NRXN1: variants seen among roughly 807,000 people sequenced by gnomAD.
NRXN1 encodes the protein neurexin-1.
In NRXN1, 39 loss-of-function variants were observed where a neutral mutation model predicts 150.9. The observed-to-expected ratio is 0.26, with a 90% CI of 0.20 to 0.34. The LOEUF (loss-of-function observed/expected upper bound fraction) is 0.34. NRXN1 is among the 10% of genes least tolerant of loss of function. The pLI is 1.00. For missense variants in NRXN1, 1,815 were observed against 1,949.9 expected, an observed-to-expected ratio of 0.93 and a Z score of 1.30; for synonymous variants, 924 against 757.0, an observed-to-expected ratio of 1.22 and a Z score of -3.62.
chr2:50,317,505 T>C (rs1434064134), intron 17 of NRXN1, among the ~76,000 whole-genome samples: 1 of 151,682 alleles, frequency 6.6e-6, no homozygotes, highest in African/African-American at 2.4e-5. Context: ...TCTATTACAA[T>C]TGCTATACCC....
chr2:50,571,405 T>G (rs1670643562), intron 8 of NRXN1, among the ~76,000 whole-genome samples: 1 of 152,094 alleles, frequency 6.6e-6, no homozygotes, highest in Non-Finnish European at 1.5e-5. Context: ...GGATGAAAAG[T>G]TTGAGGTTAA....
intron 17 of NRXN1, among the ~76,000 whole-genome samples, chr2:50,426,700 G>A (rs768312496): frequency 2.2e-4 from 33 of 151,964 alleles, no homozygotes; most frequent in African/African-American, 6.5e-4. Flanking sequence ...CATTCGGCCC[G>A]GAAAAATTTC....
intron 5 of NRXN1, among the ~76,000 whole-genome samples, chr2:50,864,338 G>C (rs1676563617): frequency 6.6e-6 from 1 of 151,992 alleles, no homozygotes; most frequent in Non-Finnish European, 1.5e-5. Context: ...ACTTCAGCCT[G>C]ATTTCAAGCT....
At chr2:50,506,703 G>A (rs1367952326) in intron 12 of NRXN1, 86 bp from the exon 13 acceptor site, 29 of 1,374,236 alleles carry the variant, frequency 2.1e-5, no homozygotes, top group Non-Finnish European at 8.1e-6. Flanking sequence ...AAGAGACAAG[G>A]GGGGAAGGTG....
chr2:50,313,082 T>C (rs1476746662), intron 17 of NRXN1, among the ~76,000 whole-genome samples: 2 of 151,822 alleles, frequency 1.3e-5, no homozygotes, highest in African/African-American at 4.8e-5. Flanking sequence ...AAGAAGAGAG[T>C]GATATTTCTA....
At chr2:49,968,146 A>C (rs553780781) in intron 21 of NRXN1, among the ~76,000 whole-genome samples, 59 of 152,126 alleles carry the variant, frequency 3.9e-4, no homozygotes, top group African/African-American at 1.4e-3. Flanking sequence ...ACCAAAAAAA[A>C]AAAAAGAAAA....
rs749335750 is a variant in NRXN1 at position 50,802,500 on chromosome 2, TGGAAGGAAGGAAGGAAGGAAGGAA to T, written c.832+119345_832+119368del. 3.6e-3 allele frequency among the ~76,000 whole-genome samples: 319 copies of T among 88,352 alleles called. 2 individuals carry two copies. The highest frequency in any genetic ancestry group is 3.0e-3 in the Non-Finnish European group (130 of 43,474). 58.0% of individuals were successfully genotyped at this position (88,352 alleles called of 152,430 possible). ...AGAGTGAATCTCTGAGAAAGAGAAA[TGGAAGGAAGGAAGGAAGGAAGGAA>T]GGAAGGAAGGAAGGAAGGAAGGAAG... On this transcript the variant is annotated intron_variant, in intron 5 of 22. Transcript: ENST00000401669.
intron 5 of NRXN1, among the ~76,000 whole-genome samples, chr2:50,870,680 G>A (rs1402687039): frequency 1.3e-5 from 2 of 151,836 alleles, no homozygotes; most frequent in African/African-American, 4.8e-5. Flanking sequence ...TGATCTAAAT[G>A]TTGCCTGGAT....
intron 18 of NRXN1, among the ~76,000 whole-genome samples, chr2:50,187,232 C>T (rs1409312603): frequency 1.3e-5 from 2 of 151,986 alleles, no homozygotes; most frequent in Non-Finnish European, 2.9e-5. Flanking sequence ...GAAACAGGAA[C>T]TGTCATAGCA....
intron 2 of NRXN1, among the ~76,000 whole-genome samples, chr2:50,958,832 T>A (rs185508190): frequency 3.9e-5 from 6 of 152,270 alleles, no homozygotes; most frequent in Admixed American, 2.6e-4. Flanking sequence ...AGCAGCTGTG[T>A]GAATTTCATA....
intron 21 of NRXN1, among the ~76,000 whole-genome samples, chr2:49,986,415 A>G (rs1680920625): frequency 6.6e-6 from 1 of 152,192 alleles, no homozygotes; most frequent in Non-Finnish European, 1.5e-5. Flanking sequence ...TTTCAAAAAC[A>G]TACATTTTAA....
At chr2:50,147,289 A>T (rs937117751) in intron 18 of NRXN1, among the ~76,000 whole-genome samples, 8 of 151,746 alleles carry the variant, frequency 5.3e-5, no homozygotes, top group African/African-American at 1.9e-4. Context: ...CTAATTGCAA[A>T]CACCTAGGAG....
chr2:50,932,069 G>A (rs1218434273), intron 2 of NRXN1, among the ~76,000 whole-genome samples: 22 of 151,840 alleles, frequency 1.4e-4, no homozygotes, highest in Admixed American at 1.4e-3. Context: ...TCACCATGTT[G>A]GCCAGGTGCC....
intron 18 of NRXN1, among the ~76,000 whole-genome samples, chr2:50,196,952 C>T (rs1309472407): frequency 2.6e-5 from 4 of 152,086 alleles, no homozygotes; most frequent in African/African-American, 4.8e-5. Flanking sequence ...AGACAACTGT[C>T]GGGTACTGGG....
rs1440285821 is a variant in NRXN1, at chr2:49,919,886, G to C, written c.*2058C>G. 6.6e-6 allele frequency: 1 copy of C among 152,080 alleles called. No homozygotes were observed. The highest frequency in any genetic ancestry group is 2.4e-5 in the African/African-American group (1 of 41,520). 9.4% of individuals were successfully genotyped at this position (152,080 alleles called of 1,614,324 possible). A position where few individuals can be genotyped will look rare whatever the true frequency, so the allele number is the denominator to read the frequency against. ...TGTCTGAAATCCAGGCCACTTCTTGGCTTTTTTTTCATCAACTAAAGTATC... is the reference window on the plus strand; with the variant it reads ...TGTCTGAAATCCAGGCCACTTCTTGCCTTTTTTTTCATCAACTAAAGTATC... On this transcript the variant is annotated 3_prime_UTR_variant, in exon 23 of 23. Transcript: ENST00000401669.
chr2:50,343,544 G>C (rs1395597531), intron 17 of NRXN1, among the ~76,000 whole-genome samples: 1 of 152,068 alleles, frequency 6.6e-6, no homozygotes, highest in Non-Finnish European at 1.5e-5. Flanking sequence ...AAAGGACCCT[G>C]CAGTGTTCTC....
intron 2 of NRXN1, among the ~76,000 whole-genome samples, chr2:51,005,555 C>A (rs1700603976): frequency 1.3e-5 from 2 of 151,850 alleles, no homozygotes; most frequent in African/African-American, 2.4e-5. Context: ...TTAAGAAAGT[C>A]TCACATATGG....
intron 17 of NRXN1, among the ~76,000 whole-genome samples, chr2:50,418,862 A>G (rs1484009912): frequency 6.6e-6 from 1 of 152,064 alleles, no homozygotes; most frequent in East Asian, 1.9e-4. Context: ...GAGTATGTCT[A>G]TTAACATGTT....
chr2:50,291,044 A>T (rs1326452459), intron 17 of NRXN1, among the ~76,000 whole-genome samples: 1 of 152,124 alleles, frequency 6.6e-6, no homozygotes, highest in African/African-American at 2.4e-5. Context: ...ATAGCAGAGA[A>T]AAATCCCCTA....
Sources: gnomAD v4.1 joint callset for allele counts (sites outside exome capture counted in the v4.1 genomes callset) on GRCh38, gnomAD v4.1.1 for gene constraint, MANE v1.5 for transcripts, NCBI Gene and HGNC (gene_info 2026-07-23, HGNC 2026-07-21) for gene names.